Variants in PPM1H observed in about 807,000 individuals in gnomAD.
PPM1H encodes protein phosphatase, Mg2+/Mn2+ dependent 1H, also known as protein phosphatase 1H.
Under a neutral mutation model 54.9 loss-of-function variants are expected in PPM1H, and 27 were observed. The observed-to-expected ratio is 0.49, with a 90% CI of 0.36 to 0.68. The LOEUF (loss-of-function observed/expected upper bound fraction) is 0.68, where lower values mean the gene tolerates loss of function less well. Ranked by LOEUF, PPM1H falls within the 30% of genes least tolerant of loss-of-function variation. PPM1H has a pLI of 0.00. For missense variants in PPM1H, 596 were observed against 667.8 expected (o/e 0.89, Z 1.19); for synonymous variants, 305 against 270.8 (o/e 1.13, Z -1.24).
intron 2 of PPM1H, among the ~76,000 whole-genome samples, chr12:62,813,101 A>C (rs1467361166): frequency 1.3e-5 from 2 of 152,114 alleles, no homozygotes; most frequent in African/African-American, 4.8e-5. Context: ...TGGAGTGCCA[A>C]CTGAGAAGGA....
At chr12:62,733,712 TTTTAG>T (rs1319742549) in intron 5 of PPM1H, among the ~76,000 whole-genome samples, 2 of 152,224 alleles carry the variant, frequency 1.3e-5, no homozygotes, top group Admixed American at 1.3e-4. Context: ...GGAGAAATGT[TTTTAG>T]TTATAAACTA....
intron 6 of PPM1H, among the ~76,000 whole-genome samples, chr12:62,701,029 T>C (rs2076141152): frequency 6.6e-6 from 1 of 152,224 alleles, no homozygotes; most frequent in Admixed American, 6.5e-5. Flanking sequence ...TCTATGGGGA[T>C]AGATTTTTGT....
chr12:62,773,912 G>A (rs1255000960), intron 4 of PPM1H, among the ~76,000 whole-genome samples: 2 of 152,182 alleles, frequency 1.3e-5, no homozygotes, highest in Non-Finnish European at 1.5e-5. Flanking sequence ...TCTAGGTTTG[G>A]AGCATCTTAC....
chr12:62,820,154 C>T (rs376900099), intron 2 of PPM1H, among the ~76,000 whole-genome samples: 1 of 152,220 alleles, frequency 6.6e-6, no homozygotes, highest in South Asian at 2.1e-4. Context: ...TCACTGCTAG[C>T]GCAGCAGTCT....
chr12:62,914,848 C>T (rs1412413748), intron 1 of PPM1H, among the ~76,000 whole-genome samples: 3 of 152,204 alleles, frequency 2.0e-5, no homozygotes, highest in Non-Finnish European at 4.4e-5. Context: ...CTAGATGTCG[C>T]TAACATCTCT....
At chr12:62,872,128 T>C (rs1870009604) in intron 1 of PPM1H, among the ~76,000 whole-genome samples, 1 of 152,214 alleles carries the variant, frequency 6.6e-6, no homozygotes, top group African/African-American at 2.4e-5. Context: ...TATAAACATG[T>C]TAATTAGAAG....
At chr12:62,872,219 G>A (rs577377643) in intron 1 of PPM1H, among the ~76,000 whole-genome samples, 4 of 152,326 alleles carry the variant, frequency 2.6e-5, no homozygotes, top group African/African-American at 7.2e-5. Flanking sequence ...TCAAGAGACA[G>A]AAGTACTGCA....
chr12:62,846,512 AT>A (rs200398982), intron 1 of PPM1H, among the ~76,000 whole-genome samples: 5,794 of 145,622 alleles, frequency 0.04, 127 homozygotes, highest in East Asian at 0.084. Flanking sequence ...AAAAAAAAAA[AT>A]TTTTTTTTTT....
intron 1 of PPM1H, among the ~76,000 whole-genome samples, chr12:62,884,308 G>T (rs1175765123): frequency 6.7e-6 from 1 of 149,152 alleles, no homozygotes; most frequent in Non-Finnish European, 1.5e-5. Flanking sequence ...CCGACATGGT[G>T]AAATCCTGTC....
intron 6 of PPM1H, among the ~76,000 whole-genome samples, chr12:62,708,840 C>T (rs185619705): frequency 6.6e-6 from 1 of 152,196 alleles, no homozygotes; most frequent in African/African-American, 2.4e-5. Flanking sequence ...CAGCACAGTA[C>T]CCAATAGGTA....
At chr12:62,817,228 T>TGAGGCGGGCAGATCATA (rs1188486664) in intron 2 of PPM1H, among the ~76,000 whole-genome samples, 1 of 144,426 alleles carries the variant, frequency 6.9e-6, no homozygotes, top group Non-Finnish European at 1.5e-5. Context: ...TTTGGGAGGC[T>TGAGGCGGGCAGATCATA]GAGGCGGGCA....
At chr12:62,752,264 A>G (rs1263687690) in intron 4 of PPM1H, among the ~76,000 whole-genome samples, 2 of 152,360 alleles carry the variant, frequency 1.3e-5, no homozygotes, top group African/African-American at 4.8e-5. Flanking sequence ...AAACTCACAT[A>G]TAAGAGTCAG....
chr12:62,787,047 C>G (rs1245658030), intron 4 of PPM1H, among the ~76,000 whole-genome samples: 3 of 152,168 alleles, frequency 2.0e-5, no homozygotes, highest in African/African-American at 7.2e-5. Context: ...GCTCCTTGTT[C>G]TCTGGGATCT....
chr12:62,683,175 G>T (rs1004716799), intron 8 of PPM1H, among the ~76,000 whole-genome samples: 4 of 149,464 alleles, frequency 2.7e-5, no homozygotes, highest in African/African-American at 9.9e-5. Flanking sequence ...CTCCCAAAGT[G>T]CTGGGATTAC....
intron 6 of PPM1H, among the ~76,000 whole-genome samples, chr12:62,705,631 T>C (rs978329332): frequency 2.0e-4 from 30 of 152,234 alleles, no homozygotes; most frequent in African/African-American, 7.2e-4. Context: ...TTATTTCTGA[T>C]TCAGTATCCA....
intron 1 of PPM1H, among the ~76,000 whole-genome samples, chr12:62,867,482 A>G (rs2120991141): frequency 6.6e-6 from 1 of 152,024 alleles, no homozygotes; most frequent in Non-Finnish European, 1.5e-5. Flanking sequence ...CCGCAGGGAA[A>G]CAAAACACGC....
intron 1 of PPM1H, among the ~76,000 whole-genome samples, chr12:62,873,570 A>G (rs1870059942): frequency 6.6e-6 from 1 of 152,222 alleles, no homozygotes; most frequent in South Asian, 2.1e-4. Context: ...TGAAAGTTAC[A>G]AAGTTGCTGA....
chr12:62,817,072 T>C (rs563954759), intron 2 of PPM1H, among the ~76,000 whole-genome samples: 2 of 134,988 alleles, frequency 1.5e-5, no homozygotes, highest in Non-Finnish European at 3.0e-5. Context: ...AAGAGTTCTA[T>C]GTCCCTAGAA....
In PPM1H at chr12:62,934,531, T is replaced by C; in HGVS notation, c.206A>G (p.Lys69Arg). The C allele has an allele frequency of 6.4e-7, 1 of 1,551,940 alleles. No homozygotes were observed. The highest frequency in any genetic ancestry group is 8.7e-7 in the Non-Finnish European group (1 of 1,148,316). The change falls in exon 1 of 10, where the codon AAG becomes AGG. Residue 69 changes from lysine to arginine, a missense_variant. Transcript: ENST00000228705. This position sits in a 1 kb window ranked among gnomAD's most constrained non-coding sequence, Gnocchi z 4.2. ...GGCCCAGGGCAGCCGCCGAGTCTCC[T>C]TGAGGATGAGGATGGGGCGGGCGAT... ...DHIARPILIL[K>R]ETRRLPWATG...
Sources: allele counts gnomAD v4.1 joint callset (sites outside exome capture counted in the v4.1 genomes callset), GRCh38; gene constraint gnomAD v4.1.1; non-coding constraint Gnocchi (gnomAD v3.1); transcripts MANE v1.5; gene names NCBI Gene and HGNC (gene_info 2026-07-23, HGNC 2026-07-21).